NPAS3: variants seen among roughly 807,000 people sequenced by gnomAD.
NPAS3 encodes the protein neuronal PAS domain protein 3.
Under a neutral mutation model 73.1 loss-of-function variants are expected in NPAS3, and 14 were observed. The ratio of observed to expected loss-of-function variants is 0.19; its 90% CI spans 0.13 to 0.30. NPAS3 has a LOEUF of 0.30. Among genes scored for constraint, NPAS3 ranks in the 10% least tolerant of loss-of-function variants. The pLI is 1.00. For synonymous variants in NPAS3, 620 were observed against 541.5 expected, an observed-to-expected ratio of 1.14 and a Z score of -2.01; for missense variants, 1,096 against 1,250.0, an observed-to-expected ratio of 0.88 and a Z score of 1.86.
At chr14:33,681,822 G>A (rs2059946438) in intron 6 of NPAS3, among the ~76,000 whole-genome samples, 1 of 152,104 alleles carries the variant, frequency 6.6e-6, no homozygotes, top group African/African-American at 2.4e-5. Flanking sequence ...TCAAATGATA[G>A]AAAGTTCATT....
intron 2 of NPAS3, among the ~76,000 whole-genome samples, chr14:33,198,051 T>A (rs2046443767): frequency 6.7e-6 from 1 of 149,174 alleles, no homozygotes; most frequent in Non-Finnish European, 1.5e-5. Context: ...AGGCAGTGCG[T>A]CTAGAGTTGT....
At chr14:33,113,135 G>A (rs1275466966) in intron 2 of NPAS3, among the ~76,000 whole-genome samples, 1 of 152,126 alleles carries the variant, frequency 6.6e-6, no homozygotes, top group Non-Finnish European at 1.5e-5. Context: ...GCTTAGGATT[G>A]ACTTGGCAAT....
intron 1 of NPAS3, among the ~76,000 whole-genome samples, chr14:33,053,856 G>A (rs2040794324): frequency 1.3e-5 from 2 of 152,132 alleles, no homozygotes; most frequent in Non-Finnish European, 2.9e-5. Context: ...ATTATTGAGA[G>A]CCAGGTAACA....
At chr14:33,364,816 C>T (rs962177130) in intron 3 of NPAS3, among the ~76,000 whole-genome samples, 1 of 151,164 alleles carries the variant, frequency 6.6e-6, no homozygotes, top group East Asian at 2.0e-4. Context: ...TCTATGCTTT[C>T]AGAAGGCATT....
intron 3 of NPAS3, among the ~76,000 whole-genome samples, chr14:33,349,126 A>G (rs902043315): frequency 6.6e-6 from 1 of 152,198 alleles, no homozygotes; most frequent in African/African-American, 2.4e-5. Context: ...GGGATTAACT[A>G]TGGCTTTTCT....
intron 4 of NPAS3, among the ~76,000 whole-genome samples, chr14:33,415,502 C>T (rs1436168413): frequency 6.6e-6 from 1 of 152,122 alleles, no homozygotes; most frequent in South Asian, 2.1e-4. Context: ...TTATATTAAA[C>T]ACTTGCTTCA....
chr14:33,147,754 T>TACAC (rs1555344663), intron 2 of NPAS3, among the ~76,000 whole-genome samples: 6 of 142,444 alleles, frequency 4.2e-5, no homozygotes, highest in Non-Finnish European at 6.0e-5. Context: ...TATATATATA[T>TACAC]ACACACAAAA....
chr14:33,046,907 G>A (rs897000425), intron 1 of NPAS3, among the ~76,000 whole-genome samples: 1 of 152,170 alleles, frequency 6.6e-6, no homozygotes, highest in Non-Finnish European at 1.5e-5. Flanking sequence ...CTGGGAGGCG[G>A]AGGTTGCAGT....
chr14:33,676,532 TAAGG>T (rs2140338032), intron 6 of NPAS3, 147 bp downstream of exon 6: 1 of 538,752 alleles, frequency 1.9e-6, no homozygotes, highest in South Asian at 4.4e-5. Flanking sequence ...AGTAATTAAA[TAAGG>T]AAGAGATCTG....
chr14:33,518,612 G>C (rs76621717), intron 4 of NPAS3, among the ~76,000 whole-genome samples: 5 of 59,408 alleles, frequency 8.4e-5, no homozygotes, highest in Non-Finnish European at 2.0e-4. Context: ...TTTTTTTTTG[G>C]CATGTTACCA....
At chr14:33,298,345 A>G (rs2042390853) in intron 3 of NPAS3, among the ~76,000 whole-genome samples, 1 of 152,016 alleles carries the variant, frequency 6.6e-6, no homozygotes, top group African/African-American at 2.4e-5. Flanking sequence ...GTTTCCAATA[A>G]AACACCCAAA....
At chr14:33,202,320 T>C (rs2046648840) in intron 2 of NPAS3, among the ~76,000 whole-genome samples, 1 of 151,980 alleles carries the variant, frequency 6.6e-6, no homozygotes, top group Non-Finnish European at 1.5e-5. Flanking sequence ...GGAGAATTGC[T>C]TGAATCTGGG....
chr14:33,275,601 C>T (rs1031882458), intron 3 of NPAS3, among the ~76,000 whole-genome samples: 1 of 152,258 alleles, frequency 6.6e-6, no homozygotes, highest in East Asian at 1.9e-4. Context: ...ATTTTGCTTC[C>T]TTGTGAAGTC....
intron 2 of NPAS3, among the ~76,000 whole-genome samples, chr14:33,171,531 T>A (rs1020759704): frequency 1.3e-5 from 2 of 152,220 alleles, no homozygotes; most frequent in African/African-American, 4.8e-5. Flanking sequence ...CTTGCAACTT[T>A]TCTTCTGCAG....
At chr14:33,160,907 A>G (rs958276562) in intron 2 of NPAS3, among the ~76,000 whole-genome samples, 2 of 152,190 alleles carry the variant, frequency 1.3e-5, no homozygotes, top group Non-Finnish European at 2.9e-5. Context: ...GATGTGTTTC[A>G]TTCACTCACT....
At chr14:33,093,310 G>C (rs185402534) in intron 2 of NPAS3, among the ~76,000 whole-genome samples, 27 of 152,130 alleles carry the variant, frequency 1.8e-4, no homozygotes, top group Non-Finnish European at 3.2e-4. Context: ...GTGGGCAAAG[G>C]TTATGAACAG....
intron 5 of NPAS3, among the ~76,000 whole-genome samples, chr14:33,576,833 T>A (rs2056455478): frequency 6.6e-6 from 1 of 152,182 alleles, no homozygotes. Flanking sequence ...ATAGCATGTT[T>A]ATACAAATAA....
At chr14:33,049,800 G>A (rs2138481978) in intron 1 of NPAS3, among the ~76,000 whole-genome samples, 1 of 152,238 alleles carries the variant, frequency 6.6e-6, no homozygotes, top group South Asian at 2.1e-4. Flanking sequence ...CCCAACAGAT[G>A]GACAAATGCT....
intron 5 of NPAS3, among the ~76,000 whole-genome samples, chr14:33,594,357 T>G (rs2057167532): frequency 6.6e-6 from 1 of 152,238 alleles, no homozygotes. Context: ...AATTCACAGA[T>G]GCAGAACCCA....
Sources: gnomAD v4.1 joint callset for allele counts (sites outside exome capture counted in the v4.1 genomes callset) on GRCh38, gnomAD v4.1.1 for gene constraint, MANE v1.5 for transcripts, NCBI Gene and HGNC (gene_info 2026-07-23, HGNC 2026-07-21) for gene names.